GRK3: variants seen among roughly 807,000 people sequenced by gnomAD.
GRK3 encodes the protein adrenergic, beta, receptor kinase 2.
GRK3 carries 54 observed loss-of-function variants against 95.7 expected under a neutral mutation model. That is an observed-to-expected ratio of 0.56 (90% CI 0.45 to 0.71). The LOEUF is 0.71. Among genes scored for constraint, GRK3 ranks in the 30% least tolerant of loss-of-function variants. The pLI is 0.00. For missense variants in GRK3, 649 were observed against 851.2 expected, an observed-to-expected ratio of 0.76 and a Z score of 2.96; for synonymous variants, 281 against 290.8, an observed-to-expected ratio of 0.97 and a Z score of 0.34.
intron 3 of GRK3, chr22:25,648,378 A>G: frequency 1.5e-6 from 2 of 1,315,964 alleles, no homozygotes; most frequent in South Asian, 2.4e-5. Flanking sequence ...TCCAACTGTG[A>G]AACCTCAGAT....
intron 1 of GRK3, among the ~76,000 whole-genome samples, chr22:25,590,547 C>T (rs961820255): frequency 4.6e-5 from 7 of 152,244 alleles, no homozygotes; most frequent in Admixed American, 6.5e-5. Flanking sequence ...ACAGGCCGGG[C>T]GCGGTGGCTC....
chr22:25,630,013 T>C (rs1000673705), intron 2 of GRK3, among the ~76,000 whole-genome samples: 5 of 152,204 alleles, frequency 3.3e-5, no homozygotes, highest in Non-Finnish European at 7.3e-5. Flanking sequence ...TACATTCTAG[T>C]ATCATGCCAT....
At position 25,727,224 on chromosome 22, in the gene GRK3, C is replaced by A. The variant is rs2085482023; in HGVS notation, c.*4774C>A. ...TAAAGATTTAACATGATTTTTCCCT[C>A]CTATGTAAAGTTTACTGGAGAGACT... is the stretch of plus-strand genomic sequence containing the variant. On this transcript the variant is annotated 3_prime_UTR_variant, in exon 21 of 21. Transcript: ENST00000324198. The A allele has an allele frequency of 6.6e-6, 1 of 152,068 alleles. No individual in the cohort carries two copies. Among genetic ancestry groups the A allele is most frequent in the Non-Finnish European group, 1.5e-5 (1 of 68,016 alleles). 9.4% of individuals were successfully genotyped at this position (152,068 alleles called of 1,614,324 possible).
intron 15 of GRK3, among the ~76,000 whole-genome samples, chr22:25,706,709 G>C (rs922822228): frequency 6.6e-6 from 1 of 152,034 alleles, no homozygotes; most frequent in Non-Finnish European, 1.5e-5. Flanking sequence ...GTTTAGTAGA[G>C]ATGGGGTTTC....
intron 2 of GRK3, among the ~76,000 whole-genome samples, chr22:25,620,093 G>A (rs1008524205): frequency 6.7e-6 from 1 of 149,224 alleles, no homozygotes; most frequent in Non-Finnish European, 1.5e-5. Context: ...AGGCAAGAAG[G>A]AAGGGAGAAG....
chr22:25,716,863 C>T (rs183564758), intron 18 of GRK3, among the ~76,000 whole-genome samples: 106 of 152,362 alleles, frequency 7.0e-4, no homozygotes, highest in African/African-American at 2.5e-3. Context: ...TGAGCTCCGC[C>T]TCCTGTCAGA....
rs567836678 is a variant in GRK3 at position 25,650,053 on chromosome 22, G to A, written c.264+5388G>A. 7.3e-5 allele frequency among the ~76,000 whole-genome samples: 11 copies of A among 150,994 alleles called. 1 individual carries two copies. The highest frequency in any genetic ancestry group is 2.2e-4 in the African/African-American group (9 of 41,056). On this transcript the variant is annotated intron_variant, in intron 3 of 20. Coordinates refer to ENST00000324198, the MANE Select transcript of GRK3 (RefSeq NM_005160.4). Reference sequence around the variant, plus strand: ...GTTGCCCAGGCTAGAGTGCATTGGCGCCATCCTGGTTCACTGCAACCTCTG... The same window carrying A: ...GTTGCCCAGGCTAGAGTGCATTGGCACCATCCTGGTTCACTGCAACCTCTG...
At chr22:25,584,476 C>T (rs1479200378) in intron 1 of GRK3, among the ~76,000 whole-genome samples, 2 of 152,272 alleles carry the variant, frequency 1.3e-5, no homozygotes, top group South Asian at 2.1e-4. Context: ...GTGTGAGTAG[C>T]GATGCTGGCA....
chr22:25,608,814 A>G (rs1285282755), intron 2 of GRK3, among the ~76,000 whole-genome samples: 1 of 152,112 alleles, frequency 6.6e-6, no homozygotes, highest in African/African-American at 2.4e-5. Flanking sequence ...AGTGGAACCC[A>G]CTCACACTTC....
intron 1 of GRK3, among the ~76,000 whole-genome samples, chr22:25,583,842 A>G (rs1426850447): frequency 1.3e-5 from 2 of 152,262 alleles, no homozygotes; most frequent in Non-Finnish European, 2.9e-5. Context: ...GCGAGATCAG[A>G]AATTCTTGAA....
intron 3 of GRK3, among the ~76,000 whole-genome samples, chr22:25,654,925 AAAACTC>A (rs923336818): frequency 1.3e-5 from 2 of 152,180 alleles, no homozygotes; most frequent in Admixed American, 1.3e-4. Flanking sequence ...AGGATGCTGC[AAAACTC>A]CTCAGCAACC....
Position 25,725,115 on chromosome 22 carries a change from T to G in GRK3, c.*2665T>G, listed in dbSNP as rs957613476. 4 of 152,772 alleles carry G rather than the reference T, an allele frequency of 2.6e-5. No homozygotes were observed. The highest frequency in any genetic ancestry group is 2.0e-4 in the South Asian group (1 of 4,944). 9.5% of individuals were successfully genotyped at this position (152,772 alleles called of 1,614,324 possible). On this transcript the variant is annotated 3_prime_UTR_variant, in exon 21 of 21. Coordinates refer to ENST00000324198, the MANE Select transcript of GRK3 (RefSeq NM_005160.4). ...CCTCCCAAAATGCTGGAATTAGAGATGTAAGCCACCATGCCCAGCCATAGT... is the reference window on the plus strand; with the variant it reads ...CCTCCCAAAATGCTGGAATTAGAGAGGTAAGCCACCATGCCCAGCCATAGT...
intron 1 of GRK3, among the ~76,000 whole-genome samples, chr22:25,578,660 C>A (rs1931994724): frequency 6.6e-6 from 1 of 152,068 alleles, no homozygotes; most frequent in African/African-American, 2.4e-5. Flanking sequence ...AGTCAACCAA[C>A]CACTGCTGGC....
In GRK3 at chr22:25,644,609, G is replaced by A. The variant is rs1223429512; in HGVS notation, c.208G>A (p.Asp70Asn). The A allele has an allele frequency of 6.4e-7, 1 of 1,560,312 alleles. No individual in the cohort carries two copies. The stretch of plus-strand genomic sequence containing the variant: ...TCCTTTAGGTTTCTTGCTATTTAAA[G>A]ATTTTTGTTTGAATGAAATTAATGA... ...NQKIGFLLFK[D>N]FCLNEINEAV... The change falls in exon 3 of 21, where the codon GAT (aspartate) becomes AAT (asparagine). Residue 70 changes from aspartate (D) to asparagine (N), a missense_variant. Physicochemically the swap from Asp to Asn is conservative, Grantham distance 23. Coordinates refer to ENST00000324198, the MANE Select transcript of GRK3 (RefSeq NM_005160.4).
rs1286432832 is a variant in GRK3 at position 25,728,208 on chromosome 22, G to A, written c.*5758G>A. The A allele has an allele frequency of 6.6e-6, 1 of 152,232 alleles. No homozygotes were observed. Among genetic ancestry groups the A allele is most frequent in the Non-Finnish European group, 1.5e-5 (1 of 68,038 alleles). The allele number at this position is 152,232 out of a possible 1,614,324, so 9.4% of individuals were successfully genotyped here. On this transcript the variant is annotated 3_prime_UTR_variant, in exon 21 of 21. Coordinates refer to ENST00000324198, the MANE Select transcript of GRK3 (RefSeq NM_005160.4). Reference sequence around the variant, plus strand: ...ACATCTCTTCTCACCACCATGGACTGTTTTCAACAACAGTTGATCTTCTGG... The same window carrying A: ...ACATCTCTTCTCACCACCATGGACTATTTTCAACAACAGTTGATCTTCTGG...
chr22:25,618,167 C>G (rs1308881171), intron 2 of GRK3, among the ~76,000 whole-genome samples: 2 of 152,154 alleles, frequency 1.3e-5, no homozygotes, highest in East Asian at 3.9e-4. Context: ...CAGTGTGGGG[C>G]AAATATGAAT....
intron 10 of GRK3, among the ~76,000 whole-genome samples, chr22:25,685,700 T>A (rs902874193): frequency 6.6e-6 from 1 of 152,228 alleles, no homozygotes; most frequent in African/African-American, 2.4e-5. Flanking sequence ...AAATCTGCAC[T>A]ACTGTACATT....
chr22:25,609,463 C>A lies in GRK3; in HGVS notation c.190+5010C>A, dbSNP rs190476895. 1.5e-4 allele frequency among the ~76,000 whole-genome samples: 23 copies of A among 152,152 alleles called. 1 individual carries two copies. The East Asian group carries it at 4.1e-3, about 27-fold the overall frequency. ...GCTCTTGCCTCAGCCTCCCAAGTAGCTGGGATTACAGTCATGTGCCACCAT... is the reference window on the plus strand; with the variant it reads ...GCTCTTGCCTCAGCCTCCCAAGTAGATGGGATTACAGTCATGTGCCACCAT... On this transcript the variant is annotated intron_variant, in intron 2 of 20. Coordinates refer to ENST00000324198, the MANE Select transcript of GRK3 (RefSeq NM_005160.4).
At chr22:25,689,162 A>G (rs1310963727) in intron 11 of GRK3, among the ~76,000 whole-genome samples, 3 of 151,796 alleles carry the variant, frequency 2.0e-5, no homozygotes, top group African/African-American at 4.8e-5. Context: ...TAGTTTTCCT[A>G]TAAGCATAAA....
Sources: allele counts gnomAD v4.1 joint callset (sites outside exome capture counted in the v4.1 genomes callset), GRCh38; gene constraint gnomAD v4.1.1; transcripts MANE v1.5; gene names NCBI Gene and HGNC (gene_info 2026-07-23, HGNC 2026-07-21).